Variants in HDAC7 observed in about 807,000 individuals in gnomAD.
HDAC7 encodes the protein histone deacetylase 7, also known as histone deacetylase 7A.
Under a neutral mutation model 115.5 loss-of-function variants are expected in HDAC7, and 26 were observed. That is an observed-to-expected ratio of 0.23 (90% CI 0.16 to 0.31). The LOEUF is 0.31. HDAC7 is among the 10% of genes least tolerant of loss of function. HDAC7 has a pLI of 1.00. For synonymous variants in HDAC7, 564 were observed against 550.9 expected (o/e 1.02, Z -0.33); for missense variants, 1,068 against 1,329.0 (o/e 0.80, Z 3.05).
In HDAC7 at chr12:47,785,672, T is replaced by C. The variant is rs1943137141; in HGVS notation, c.2706+80A>G. ...GCCACTCCCACCCTGTCCCATCCCA[T>C]CTGCCTGCTCCTTGGGTAGTCCTGA... is the stretch of plus-strand genomic sequence containing the variant. On this transcript the variant is annotated intron_variant, in intron 23 of 25. Transcript: ENST00000080059. 4.7e-6 allele frequency: 7 copies of C among 1,500,292 alleles called. No homozygotes were observed. In the South Asian group the frequency reaches 9.1e-5, roughly 20 times the overall value. 92.9% of individuals were successfully genotyped at this position (1,500,292 alleles called of 1,614,324 possible).
rs1175671838 is a variant in HDAC7, at chr12:47,798,934, G to A, written c.109C>T (p.Pro37Ser). 1 of 1,526,320 alleles carries A rather than the reference G, an allele frequency of 6.6e-7. No individual in the cohort carries two copies. Among genetic ancestry groups the A allele is most frequent in the African/African-American group, 1.4e-5 (1 of 71,732 alleles). 94.5% of individuals were successfully genotyped at this position (1,526,320 alleles called of 1,614,324 possible). ...RPCADTPGPQ[P>S]QPMDLRVGQR... is the part of the protein sequence containing the mutation. Reference sequence around the variant, plus strand: ...CCCACCCGCAGGTCCATGGGCTGCGGCTGAGGGCCTGGTGTGTCTGCACAG... The same window carrying A: ...CCCACCCGCAGGTCCATGGGCTGCGACTGAGGGCCTGGTGTGTCTGCACAG... Residue 37 changes from proline to serine, a missense_variant, in exon 3 of 26, where the codon CCG becomes TCG. Transcript: ENST00000080059. This position sits in a 1 kb window ranked among gnomAD's most constrained non-coding sequence, Gnocchi z 4.3.
rs929909794 is a variant in HDAC7, at chr12:47,793,079, T to C, written c.1678+290A>G. On this transcript the variant is annotated intron_variant, in intron 13 of 25. Coordinates refer to ENST00000080059, the MANE Select transcript of HDAC7 (RefSeq NM_015401.5). This position sits in a 1 kb window ranked among gnomAD's most constrained non-coding sequence, Gnocchi z 4.5. The stretch of plus-strand genomic sequence containing the variant: ...ACAAGCAGAGCAACAGTAATAAATA[T>C]CATTTTTTAAAAGGGCTGAGTGCAT... The C allele has an allele frequency of 3.4e-5, 14 of 408,354 alleles. No individual in the cohort carries two copies. Among genetic ancestry groups the C allele is most frequent in the African/African-American group, 2.8e-4 (14 of 49,246 alleles). 25.3% of individuals were successfully genotyped at this position (408,354 alleles called of 1,614,324 possible).
At chr12:47,818,967 C>T (rs1944928934) in intron 1 of HDAC7, among the ~76,000 whole-genome samples, 1 of 152,204 alleles carries the variant, frequency 6.6e-6, no homozygotes, top group South Asian at 2.1e-4. Flanking sequence ...TCGTGGGAAC[C>T]CAGCCCATCC....
chr12:47,819,782 G>T lies in HDAC7; in HGVS notation c.4C>A (p.His2Asn). ...CAGTACTCACCAGCGCCGGGGCTGT[G>T]CATCCAGGGGCCGGGGCCCTCAGAG... M[H>N]SPGADGTQVS... The change falls in exon 1 of 26, where the codon CAC becomes AAC. Residue 2 changes from histidine to asparagine, a missense_variant. Physicochemically the swap from His to Asn is moderately conservative, Grantham distance 68. Transcript: ENST00000080059. The T allele has an allele frequency of 1.4e-6, 1 of 715,850 alleles. No individual in the cohort carries two copies. The highest frequency in any genetic ancestry group is 1.7e-6 in the Non-Finnish European group (1 of 574,520). 44.3% of individuals were successfully genotyped at this position (715,850 alleles called of 1,614,324 possible).
rs569908741 is a variant in HDAC7 at position 47,809,713 on chromosome 12, G to T, written c.20-7439C>A. Among the ~76,000 whole-genome samples the T allele has an allele frequency of 2.0e-5, 3 of 151,800 alleles. No individual in the cohort carries two copies. In the South Asian group the frequency reaches 6.2e-4, roughly 32 times the overall value. On this transcript the variant is annotated intron_variant, in intron 1 of 25. Coordinates refer to ENST00000080059, the MANE Select transcript of HDAC7 (RefSeq NM_015401.5). ...AGCCTCCTAAGTAGCTGGGATTACAGGCGTGCGCCAACATGCCTGGCTAAT... is the reference window on the plus strand; with the variant it reads ...AGCCTCCTAAGTAGCTGGGATTACATGCGTGCGCCAACATGCCTGGCTAAT...
intron 16 of HDAC7, chr12:47,790,887 A>G (rs566480989): frequency 1.3e-5 from 4 of 311,198 alleles, no homozygotes; most frequent in Non-Finnish European, 2.4e-5. Flanking sequence ...AGGCTGAGGT[A>G]CCCCAACTTG....
rs905186556 is a variant in HDAC7, at chr12:47,812,074, C to T, written c.19+7693G>A. On this transcript the variant is annotated intron_variant, in intron 1 of 25. Transcript: ENST00000080059. ...CCCCAGCAGATGCTGGCAAGGTACTCCACATCAGGGCCATCAGGGGCAGCC... is the reference window on the plus strand; with the variant it reads ...CCCCAGCAGATGCTGGCAAGGTACTTCACATCAGGGCCATCAGGGGCAGCC... 6.6e-5 allele frequency among the ~76,000 whole-genome samples: 10 copies of T among 152,366 alleles called. No individual in the cohort carries two copies. The East Asian group carries it at 1.9e-3, about 29-fold the overall frequency.
At chr12:47,796,652 A>G (rs542231967) in intron 7 of HDAC7, among the ~76,000 whole-genome samples, 91 of 151,978 alleles carry the variant, frequency 6.0e-4, no homozygotes, top group African/African-American at 2.1e-3. Context: ...TCAAACTCCT[A>G]ACCTCAGGTG....
chr12:47,796,383 G>A (rs11831940), intron 7 of HDAC7, 85 bp from the exon 8 acceptor site: 232,830 of 866,440 alleles, frequency 0.27, 33,906 homozygotes, highest in Non-Finnish European at 0.29. Flanking sequence ...CAGGAGACCC[G>A]GGAGCACCCC....
intron 1 of HDAC7, among the ~76,000 whole-genome samples, chr12:47,811,757 G>A (rs1424350710): frequency 2.0e-5 from 3 of 152,120 alleles, no homozygotes; most frequent in Admixed American, 6.5e-5. Flanking sequence ...GGTTTTCACC[G>A]CCCCCGGGTC....
In HDAC7 at chr12:47,795,151, C is replaced by T; in HGVS notation, c.1284+33G>A. ...GCCCCTAAGTCCCCAGTTAAACACT[C>T]CCTCAATACCTCCACTGCCCAATTC... On this transcript the variant is annotated intron_variant, in intron 11 of 25. Coordinates refer to ENST00000080059, the MANE Select transcript of HDAC7 (RefSeq NM_015401.5). This position sits in a 1 kb window ranked among gnomAD's most constrained non-coding sequence, Gnocchi z 4.3. 6.4e-7 allele frequency: 1 copy of T among 1,559,626 alleles called. No individual in the cohort carries two copies. Among genetic ancestry groups the T allele is most frequent in the Non-Finnish European group, 8.8e-7 (1 of 1,137,654 alleles).
rs767802638 is a variant in HDAC7 at position 47,787,830 on chromosome 12, G to A, written c.2356-21C>T. 5.0e-6 allele frequency: 8 copies of A among 1,602,000 alleles called. No individual in the cohort carries two copies. The Admixed American group carries it at 1.0e-4, about 20-fold the overall frequency. On this transcript the variant is annotated intron_variant, in intron 20 of 25. Transcript: ENST00000080059. ...CCTACCTGGAAAACAGGAGGCAAGA[G>A]AGACATGAGGACAGCAGAGTCCCAG...
chr12:47,783,741 C>G lies in HDAC7; in HGVS notation c.*100G>C, dbSNP rs1488496435. 8.2e-7 allele frequency: 1 copy of G among 1,217,918 alleles called. No individual in the cohort carries two copies. The highest frequency in any genetic ancestry group is 1.2e-6 in the Non-Finnish European group (1 of 837,958). The allele number at this position is 1,217,918 out of a possible 1,614,324, so 75.4% of individuals were successfully genotyped here. On this transcript the variant is annotated 3_prime_UTR_variant, in exon 26 of 26. Transcript: ENST00000080059. ...CTGTTCTCTGGTTCCAACTACTTGC[C>G]CACAGGATCTCTAAAGACCCAGGAA...
intron 16 of HDAC7, 35 bp from the exon 17 acceptor site, chr12:47,789,955 A>C (rs758804521): frequency 6.7e-7 from 1 of 1,503,494 alleles, no homozygotes; most frequent in South Asian, 1.1e-5. Context: ...GCATCATCCA[A>C]GGCTTCACAC....
chr12:47,800,630 T>G lies in HDAC7; in HGVS notation c.70+1594A>C, dbSNP rs114293999. On this transcript the variant is annotated intron_variant, in intron 2 of 25. Coordinates refer to ENST00000080059, the MANE Select transcript of HDAC7 (RefSeq NM_015401.5). The stretch of plus-strand genomic sequence containing the variant: ...TGGGTTTCGAATACCAAAACACTCC[T>G]GCCCCAGGAAAGGTTTCAGTCCTTC... Among the ~76,000 whole-genome samples the G allele has an allele frequency of 6.0e-3, 908 of 152,330 alleles. 13 individuals are homozygous for G. Among genetic ancestry groups the G allele is most frequent in the African/African-American group, 0.021 (879 of 41,576 alleles).
rs539191123 is a variant in HDAC7 at position 47,797,799 on chromosome 12, C to T, written c.462-300G>A. Among the ~76,000 whole-genome samples the T allele has an allele frequency of 1.3e-5, 2 of 150,498 alleles. No homozygotes were observed. The highest frequency in any genetic ancestry group is 6.6e-5 in the Admixed American group (1 of 15,156). On this transcript the variant is annotated intron_variant, in intron 5 of 25. Transcript: ENST00000080059. This position sits in a 1 kb window ranked among gnomAD's most constrained non-coding sequence, Gnocchi z 5.5. ...TGCTCTGGGAACCAGGACATTTTTG[C>T]GCTCAGGGAAAATATAAAGAGAGAA...
In HDAC7 at chr12:47,783,985, T is replaced by C. The variant is rs1943002652; in HGVS notation, c.2930+94A>G. ...ACCCTGGTCAGGAAGCCTGGGAGGG[T>C]TGGGGTGGCTGCATAGCGGACCCGG... On this transcript the variant is annotated intron_variant, in intron 25 of 25. Transcript: ENST00000080059. 8 of 1,601,944 alleles carry C rather than the reference T, an allele frequency of 5.0e-6. 1 individual carries two copies. The South Asian group carries it at 6.6e-5, about 13-fold the overall frequency.
Position 47,803,830 on chromosome 12 carries a change from C to T in HDAC7, c.20-1556G>A, listed in dbSNP as rs1039424882. Among the ~76,000 whole-genome samples the T allele has an allele frequency of 2.0e-5, 3 of 152,210 alleles. No individual in the cohort carries two copies. The highest frequency in any genetic ancestry group is 4.8e-5 in the African/African-American group (2 of 41,448). On this transcript the variant is annotated intron_variant, in intron 1 of 25. Coordinates refer to ENST00000080059, the MANE Select transcript of HDAC7 (RefSeq NM_015401.5). This position sits in a 1 kb window ranked among gnomAD's most constrained non-coding sequence, Gnocchi z 4.0. Reference sequence around the variant, plus strand: ...CCTCAGAGGCAAACTCCCCTCCCCACGACATGGTAACCCCCAATCCCAGGC... The same window carrying T: ...CCTCAGAGGCAAACTCCCCTCCCCATGACATGGTAACCCCCAATCCCAGGC...
At chr12:47,816,804 G>T (rs1944862414) in intron 1 of HDAC7, among the ~76,000 whole-genome samples, 1 of 152,196 alleles carries the variant, frequency 6.6e-6, no homozygotes, top group South Asian at 2.1e-4. Flanking sequence ...GAAACAAGAG[G>T]CTAGGCCAGC....
Sources: gnomAD v4.1 joint callset for allele counts (sites outside exome capture counted in the v4.1 genomes callset) on GRCh38, gnomAD v4.1.1 for gene constraint, Gnocchi (gnomAD v3.1) non-coding constraint, MANE v1.5 for transcripts, NCBI Gene and HGNC (gene_info 2026-07-23, HGNC 2026-07-21) for gene names.